Variants in NALF1 observed in about 807,000 individuals in gnomAD.
NALF1 encodes NALCN channel auxiliary factor 1, also known as family with sequence similarity 155 member A.
A neutral mutation model predicts 48.4 loss-of-function variants in NALF1; 3 were observed. The ratio of observed to expected loss-of-function variants is 0.06; its 90% CI spans 0.03 to 0.16. The LOEUF is 0.16. Ranked by LOEUF, NALF1 falls within the 10% of genes least tolerant of loss-of-function variation. The probability of loss-of-function intolerance (pLI) is 1.00; values close to 1 mark genes in which losing one functional copy is unlikely to be tolerated. For missense variants in NALF1, 526 were observed against 571.5 expected (o/e 0.92, Z 0.81); for synonymous variants, 262 against 245.7 (o/e 1.07, Z -0.62).
chr13:107,293,292 G>A (rs912267840), intron 1 of NALF1, among the ~76,000 whole-genome samples: 1 of 152,086 alleles, frequency 6.6e-6, no homozygotes, highest in Non-Finnish European at 1.5e-5. Flanking sequence ...CTCTGTTATA[G>A]TTTTATGGAG....
At position 107,292,047 on chromosome 13, in the gene NALF1, A is replaced by G. The variant is rs150513016; in HGVS notation, c.916-81292T>C. 3.4e-3 allele frequency among the ~76,000 whole-genome samples: 521 copies of G among 152,306 alleles called. 3 individuals are homozygous for G. The highest frequency in any genetic ancestry group is 5.6e-3 in the Non-Finnish European group (384 of 68,030). ...TGAAAAGCACATTGTTGGGAATTCC[A>G]TCACTGTGCAAACATCAGAGTATGT... On this transcript the variant is annotated intron_variant, in intron 1 of 2. Transcript: ENST00000375915.
chr13:107,527,086 A>G (rs996237417), intron 1 of NALF1, among the ~76,000 whole-genome samples: 12 of 152,170 alleles, frequency 7.9e-5, no homozygotes, highest in Non-Finnish European at 1.5e-4. Flanking sequence ...AATTAACCCC[A>G]GTGAAATTTC....
At chr13:107,835,671 T>C (rs1357876913) in intron 1 of NALF1, among the ~76,000 whole-genome samples, 3 of 152,118 alleles carry the variant, frequency 2.0e-5, no homozygotes, top group Non-Finnish European at 4.4e-5. Context: ...AATAACCACA[T>C]TTCTGAAGTA....
At chr13:107,849,237 G>C (rs368746386) in intron 1 of NALF1, among the ~76,000 whole-genome samples, 1 of 152,192 alleles carries the variant, frequency 6.6e-6, no homozygotes, top group Non-Finnish European at 1.5e-5. Context: ...TGCTGTGAGT[G>C]ATTTGAATTT....
At chr13:107,859,720 T>C (rs1205589355) in intron 1 of NALF1, among the ~76,000 whole-genome samples, 5 of 151,992 alleles carry the variant, frequency 3.3e-5, no homozygotes, top group African/African-American at 1.2e-4. Flanking sequence ...CTGGCCAACA[T>C]GGTGAAACAC....
chr13:107,523,929 C>G (rs1876340880), intron 1 of NALF1, among the ~76,000 whole-genome samples: 1 of 151,976 alleles, frequency 6.6e-6, no homozygotes, highest in African/African-American at 2.4e-5. Context: ...TTTATATCAA[C>G]AAATGTAAAT....
At chr13:107,711,532 C>T (rs1875592030) in intron 1 of NALF1, among the ~76,000 whole-genome samples, 1 of 152,118 alleles carries the variant, frequency 6.6e-6, no homozygotes, top group Non-Finnish European at 1.5e-5. Flanking sequence ...GACAGGGTTT[C>T]GCCATGTTGG....
Position 107,521,953 on chromosome 13 carries a change from A to ACACACACAGAAACACACACT in NALF1, c.916-311218_916-311199dup, listed in dbSNP as rs1190859311. ...CACACACACACACATACACACACACACACACACAGAAACACACACTCACAC... is the reference window on the plus strand; with the variant it reads ...CACACACACACACATACACACACACACACACACAGAAACACACACTCACACACAGAAACACACACTCACAC... On this transcript the variant is annotated intron_variant, in intron 1 of 2. Coordinates refer to ENST00000375915, the MANE Select transcript of NALF1 (RefSeq NM_001080396.3). Among the ~76,000 whole-genome samples, 17 of 152,076 alleles carry ACACACACAGAAACACACACT rather than the reference A, an allele frequency of 1.1e-4. No individual in the cohort carries two copies. The East Asian group carries it at 3.3e-3, about 29-fold the overall frequency.
At chr13:107,189,988 G>T (rs1879249412) in intron 2 of NALF1, among the ~76,000 whole-genome samples, 2 of 152,120 alleles carry the variant, frequency 1.3e-5, no homozygotes, top group South Asian at 4.1e-4. Context: ...GGGGATTTGT[G>T]TGTTCCTTGT....
chr13:107,472,219 C>T (rs1885112112), intron 1 of NALF1, among the ~76,000 whole-genome samples: 1 of 152,046 alleles, frequency 6.6e-6, no homozygotes, highest in African/African-American at 2.4e-5. Flanking sequence ...ATCCCAGGTA[C>T]TTGGGAGGCT....
At chr13:107,428,586 C>A (rs1884321433) in intron 1 of NALF1, among the ~76,000 whole-genome samples, 1 of 151,900 alleles carries the variant, frequency 6.6e-6, no homozygotes. Context: ...AGGTGCCAAG[C>A]AACAGAACAA....
At chr13:107,770,688 T>C (rs926341548) in intron 1 of NALF1, among the ~76,000 whole-genome samples, 2 of 152,206 alleles carry the variant, frequency 1.3e-5, no homozygotes, top group African/African-American at 2.4e-5. Flanking sequence ...TTTTGAGAGC[T>C]GCCTATTGTA....
At chr13:107,309,931 C>A (rs777822386) in intron 1 of NALF1, among the ~76,000 whole-genome samples, 1 of 152,024 alleles carries the variant, frequency 6.6e-6, no homozygotes, top group Non-Finnish European at 1.5e-5. Context: ...CTTAAGCAGT[C>A]CTTTATAGCT....
chr13:107,866,148 T>C lies in NALF1; in HGVS notation c.449A>G (p.Asp150Gly). Residue 150 changes from aspartate (D) to glycine (G), a missense_variant, in exon 1 of 3, where the codon GAC becomes GGC. Coordinates refer to ENST00000375915, the MANE Select transcript of NALF1 (RefSeq NM_001080396.3). This position sits in a 1 kb window ranked among gnomAD's most constrained non-coding sequence, Gnocchi z 4.4. ...TAGAAAAAGAGCCTTGCCCCGGTCG[T>C]CTTTGCCTCGGTTGCCCTTGCCGCC... ...GGGGKGNRGK[D>G]DRGKALFLGN... 1 of 1,610,012 alleles carries C rather than the reference T, an allele frequency of 6.2e-7. No individual in the cohort carries two copies. The highest frequency in any genetic ancestry group is 2.2e-5 in the East Asian group (1 of 44,834).
chr13:107,436,216 A>G (rs1050511869), intron 1 of NALF1, among the ~76,000 whole-genome samples: 46 of 152,242 alleles, frequency 3.0e-4, no homozygotes, highest in African/African-American at 1.0e-3. Flanking sequence ...ATTTGCAGTT[A>G]CAATTAATAG....
intron 1 of NALF1, among the ~76,000 whole-genome samples, chr13:107,400,362 AAGG>A (rs1253002730): frequency 2.0e-5 from 3 of 152,144 alleles, no homozygotes; most frequent in African/African-American, 7.2e-5. Flanking sequence ...AAATATCAAC[AAGG>A]AGGAGATGGC....
intron 1 of NALF1, among the ~76,000 whole-genome samples, chr13:107,248,108 T>A (rs988233010): frequency 2.6e-5 from 4 of 152,036 alleles, no homozygotes; most frequent in Non-Finnish European, 5.9e-5. Context: ...ACCACTCTGC[T>A]GTAGCAGCAA....
intron 1 of NALF1, among the ~76,000 whole-genome samples, chr13:107,363,340 T>G (rs1272977286): frequency 6.6e-6 from 1 of 152,176 alleles, no homozygotes; most frequent in Non-Finnish European, 1.5e-5. Flanking sequence ...ATTCCTATAA[T>G]CAAAGTGCTT....
At chr13:107,430,568 C>T (rs1372366300) in intron 1 of NALF1, among the ~76,000 whole-genome samples, 9 of 152,064 alleles carry the variant, frequency 5.9e-5, no homozygotes, top group South Asian at 2.1e-4. Context: ...TTTGTCCTTG[C>T]GATAGTTTGC....
Sources: gnomAD v4.1 joint callset for allele counts (sites outside exome capture counted in the v4.1 genomes callset) on GRCh38, gnomAD v4.1.1 for gene constraint, Gnocchi (gnomAD v3.1) non-coding constraint, MANE v1.5 for transcripts, NCBI Gene and HGNC (gene_info 2026-07-23, HGNC 2026-07-21) for gene names.